MRPL37: variants seen among roughly 807,000 people sequenced by gnomAD.
The protein encoded by MRPL37 is large ribosomal subunit protein mL37.
In MRPL37, 34 loss-of-function variants were observed where a neutral mutation model predicts 44.1. That is an observed-to-expected ratio of 0.77 (90% CI 0.59 to 1.03). The LOEUF is 1.03. Among genes scored for constraint, MRPL37 ranks in the 50% least tolerant of loss-of-function variants. The probability of loss-of-function intolerance (pLI) is 0.00; values close to 1 mark genes in which losing one functional copy is unlikely to be tolerated. For missense variants in MRPL37, 532 were observed against 543.7 expected, an observed-to-expected ratio of 0.98 and a Z score of 0.21; for synonymous variants, 212 against 219.5, an observed-to-expected ratio of 0.97 and a Z score of 0.30.
downstream of MRPL37, chr1:54,225,089 C>CA (rs778264659): frequency 4.9e-6 from 6 of 1,234,260 alleles, no homozygotes; most frequent in Non-Finnish European, 6.1e-6. Context: ...CCATAGAAAA[C>CA]AGAGGGCACC....
Position 54,212,656 on chromosome 1 carries a change from G to T in MRPL37, c.988G>T (p.Gly330Trp). The change falls in exon 5 of 7, where the codon GGG (glycine) becomes TGG (tryptophan). Residue 330 changes from glycine to tryptophan, a missense_variant and splice_region_variant. Physicochemically the swap from Gly to Trp is radical, Grantham distance 184. Transcript: ENST00000360840. Reference sequence around the variant, plus strand: ...CCTGGCTCAGGCCCGGCTCCTCTATGGGGTATGTAGGTGGAGAAGACCACT... The same window carrying T: ...CCTGGCTCAGGCCCGGCTCCTCTATTGGGTATGTAGGTGGAGAAGACCACT... ...SALAQARLLYGNDAKVLEQPV... is the reference protein window; with the variant it reads ...SALAQARLLYWNDAKVLEQPV... 6.2e-7 allele frequency: 1 copy of T among 1,614,142 alleles called. No homozygotes were observed. Among genetic ancestry groups the T allele is most frequent in the Non-Finnish European group, 8.5e-7 (1 of 1,180,016 alleles).
chr1:54,200,448 T>G lies in MRPL37; in HGVS notation c.205T>G (p.Trp69Gly), dbSNP rs971192110. The change falls in exon 1 of 7, where the codon TGG (tryptophan) becomes GGG (glycine). Residue 69 changes from tryptophan to glycine, a missense_variant. Coordinates refer to ENST00000360840, the MANE Select transcript of MRPL37 (RefSeq NM_016491.4). ...TFAGKMHFVP[W>G]LARPIFPPWD... ...TGCGGGGAAGATGCACTTCGTGCCC[T>G]GGCTGGCGCGGCCGATCTTTCCGCC... 18 of 1,614,132 alleles carry G rather than the reference T, an allele frequency of 1.1e-5. No individual in the cohort carries two copies. The highest frequency in any genetic ancestry group is 1.5e-5 in the Non-Finnish European group (18 of 1,180,058).
chr1:54,209,697 G>A (rs953851527), intron 3 of MRPL37, among the ~76,000 whole-genome samples: 3 of 151,904 alleles, frequency 2.0e-5, no homozygotes, highest in African/African-American at 7.3e-5. Flanking sequence ...CTGACCTCGT[G>A]ATCCACCCGC....
At chr1:54,205,800 T>A (rs1223106577) in intron 3 of MRPL37, among the ~76,000 whole-genome samples, 1 of 152,248 alleles carries the variant, frequency 6.6e-6, no homozygotes, top group Non-Finnish European at 1.5e-5. Context: ...AAATCCATTT[T>A]CATCATGGCC....
chr1:54,220,504 GT>G (rs1320770684), downstream of MRPL37: 2 of 378,210 alleles, frequency 5.3e-6, no homozygotes, highest in Non-Finnish European at 1.1e-5. Flanking sequence ...AGGACTGGCG[GT>G]TTTTTTTATT....
chr1:54,200,691 G>T, intron 1 of MRPL37, 102 bp downstream of exon 1: 1 of 1,316,360 alleles, frequency 7.6e-7, no homozygotes, highest in Non-Finnish European at 1.0e-6. Flanking sequence ...TGTGGGTCTT[G>T]GTTTCTTCGT....
At chr1:54,218,950 T>C (rs185962207), downstream of MRPL37, among the ~76,000 whole-genome samples, 267 of 152,370 alleles carry the variant, frequency 1.8e-3, 1 homozygote, top group African/African-American at 6.2e-3. Flanking sequence ...AAAACACGGA[T>C]AATTTAAGGA....
intron 3 of MRPL37, among the ~76,000 whole-genome samples, chr1:54,205,765 C>G (rs12086064): frequency 1.3e-5 from 2 of 152,276 alleles, no homozygotes; most frequent in East Asian, 1.9e-4. Context: ...GTCTTCTTAC[C>G]TCACTTACAC....
chr1:54,216,172 T>C lies in MRPL37; in HGVS notation c.1022T>C (p.Val341Ala). 3 of 1,614,226 alleles carry C rather than the reference T, an allele frequency of 1.9e-6. No individual in the cohort carries two copies. Among genetic ancestry groups the C allele is most frequent in the Non-Finnish European group, 2.5e-6 (3 of 1,180,036 alleles). ...GCCAAGGTCTTGGAGCAGCCCGTGG[T>C]GGTGCAGAGCGTGGGCACGGATGGA... Reference protein sequence around the residue: ...NDAKVLEQPVVVQSVGTDGRV... With the variant: ...NDAKVLEQPVAVQSVGTDGRV... Residue 341 changes from valine (V) to alanine (A), a missense_variant, in exon 6 of 7, where the codon GTG becomes GCG. Transcript: ENST00000360840.
chr1:54,223,038 C>G (rs1332851996), downstream of MRPL37, among the ~76,000 whole-genome samples: 1 of 152,208 alleles, frequency 6.6e-6, no homozygotes, highest in East Asian at 1.9e-4. Flanking sequence ...GGCAGGAAAC[C>G]AAGGGCATGG....
At chr1:54,224,984 C>A, downstream of MRPL37, 1 of 786,064 alleles carries the variant, frequency 1.3e-6, no homozygotes, top group Non-Finnish European at 1.7e-6. Flanking sequence ...TCGCCAACAG[C>A]AGGCACTTGA....
chr1:54,206,387 C>T (rs1311033053), intron 3 of MRPL37, among the ~76,000 whole-genome samples: 1 of 151,722 alleles, frequency 6.6e-6, no homozygotes, highest in Non-Finnish European at 1.5e-5. Context: ...GCTGGGATTA[C>T]AGGTGTGAGC....
intron 1 of MRPL37, among the ~76,000 whole-genome samples, chr1:54,204,261 T>G (rs1644105227): frequency 6.6e-6 from 1 of 152,094 alleles, no homozygotes; most frequent in African/African-American, 2.4e-5. Flanking sequence ...TTTATGCTTG[T>G]AATCCAGCTA....
At chr1:54,223,864 T>C (rs991063507), downstream of MRPL37, among the ~76,000 whole-genome samples, 5 of 152,208 alleles carry the variant, frequency 3.3e-5, no homozygotes, top group African/African-American at 4.8e-5. Context: ...CAGGCAGTGA[T>C]GAAAATGCTT....
downstream of MRPL37, among the ~76,000 whole-genome samples, chr1:54,218,756 C>G (rs1174271005): frequency 2.0e-5 from 3 of 152,206 alleles, no homozygotes; most frequent in Admixed American, 2.0e-4. Flanking sequence ...ACCCCTGGTT[C>G]AGCTGGTCTC....
chr1:54,220,327 G>A (rs1328058216), downstream of MRPL37, among the ~76,000 whole-genome samples: 1 of 152,166 alleles, frequency 6.6e-6, no homozygotes, highest in Admixed American at 6.5e-5. Flanking sequence ...TGCCTGGAAG[G>A]GGGCCAGGGT....
At chr1:54,225,087 AAC>A (rs1644267304), downstream of MRPL37, 1 of 1,234,262 alleles carries the variant, frequency 8.1e-7, no homozygotes, top group Non-Finnish European at 1.0e-6. Flanking sequence ...CCCCATAGAA[AAC>A]AGAGGGCACC....
Position 54,202,985 on chromosome 1 carries a change from C to A in MRPL37, c.347-2033C>A, listed in dbSNP as rs1294315578. ...GTTTACTTGATCCAGAACTTAGATA[C>A]CTAGGTCTATGCATGTTCCTCCCTT... On this transcript the variant is annotated intron_variant, in intron 1 of 6. Transcript: ENST00000360840. Among the ~76,000 whole-genome samples the A allele has an allele frequency of 5.9e-5, 9 of 152,214 alleles. No individual in the cohort carries two copies. In the South Asian group the frequency reaches 1.2e-3, roughly 21 times the overall value.
chr1:54,224,614 T>TGAGCCTGCCCTTTGCTTGGACC (rs1553119952), downstream of MRPL37, among the ~76,000 whole-genome samples: 5 of 152,230 alleles, frequency 3.3e-5, no homozygotes, highest in Admixed American at 6.5e-5. Flanking sequence ...AAACATGGGC[T>TGAGCCTGCCCTTTGCTTGGACC]GAGCCTGCCC....
Sources: allele counts gnomAD v4.1 joint callset (sites outside exome capture counted in the v4.1 genomes callset), GRCh38; gene constraint gnomAD v4.1.1; transcripts MANE v1.5; gene names NCBI Gene and HGNC (gene_info 2026-07-23, HGNC 2026-07-21).